Variants in GALM observed in about 807,000 individuals in gnomAD.
The protein encoded by GALM is aldose 1-epimerase.
GALM carries 43 observed loss-of-function variants against 37.4 expected under a neutral mutation model. That is an observed-to-expected ratio of 1.15 (90% CI 0.90 to 1.48). The LOEUF is 1.48. Ranked by LOEUF, GALM falls within the 40% of genes most tolerant of loss-of-function variation. The pLI is 0.00. For synonymous variants in GALM, 199 were observed against 170.6 expected (o/e 1.17, Z -1.30); for missense variants, 456 against 419.1 (o/e 1.09, Z -0.77).
chr2:38,721,382 C>T (rs1053794456), intron 4 of GALM, among the ~76,000 whole-genome samples: 63 of 152,146 alleles, frequency 4.1e-4, no homozygotes, highest in Non-Finnish European at 7.6e-4. Context: ...TAGAGTAACA[C>T]CCTCATGAAC....
intron 5 of GALM, among the ~76,000 whole-genome samples, chr2:38,730,125 C>G (rs990849260): frequency 1.8e-4 from 27 of 152,372 alleles, no homozygotes; most frequent in African/African-American, 6.3e-4. Flanking sequence ...CCGATAGACA[C>G]TTGTGTGCAC....
At chr2:38,732,059 C>T in intron 6 of GALM, 150 bp downstream of exon 6, 2 of 735,444 alleles carry the variant, frequency 2.7e-6, no homozygotes, top group South Asian at 1.8e-5. Context: ...TCACTCTTGT[C>T]GCCTAGGCTG....
chr2:38,724,690 C>T (rs1666450915), intron 4 of GALM, among the ~76,000 whole-genome samples: 1 of 151,982 alleles, frequency 6.6e-6, no homozygotes, highest in African/African-American at 2.4e-5. Flanking sequence ...AATTTTAAGT[C>T]AGGGCTTCTT....
chr2:38,707,077 T>C (rs1240314390), intron 4 of GALM, among the ~76,000 whole-genome samples: 1 of 145,838 alleles, frequency 6.9e-6, no homozygotes, highest in African/African-American at 2.5e-5. Flanking sequence ...GATGGGGATG[T>C]TCAGTGAGTT....
intron 4 of GALM, among the ~76,000 whole-genome samples, chr2:38,694,953 T>G (rs1230504323): frequency 1.3e-5 from 2 of 148,310 alleles, no homozygotes; most frequent in African/African-American, 5.0e-5. Flanking sequence ...TCACCTCAGG[T>G]GTCATTGTTC....
At chr2:38,725,569 T>C (rs976026448) in intron 4 of GALM, among the ~76,000 whole-genome samples, 2 of 148,890 alleles carry the variant, frequency 1.3e-5, no homozygotes, top group African/African-American at 5.0e-5. Context: ...CACACACGTA[T>C]ATATATAATT....
intron 4 of GALM, among the ~76,000 whole-genome samples, chr2:38,724,804 AG>A (rs1472727600): frequency 5.3e-5 from 8 of 152,224 alleles, no homozygotes; most frequent in African/African-American, 1.9e-4. Flanking sequence ...AGACTCCTGA[AG>A]GTGTTCAAGC....
At position 38,717,727 on chromosome 2, in the gene GALM, T is replaced by A. The variant is rs1572539227; in HGVS notation, c.635-11829T>A. On this transcript the variant is annotated intron_variant, in intron 4 of 6. Coordinates refer to ENST00000272252, the MANE Select transcript of GALM (RefSeq NM_138801.3). ...TAGCTCCATTTTATAAATGGGGAAATTGAATCTTACAGAGGCATAGAAATA... is the reference window on the plus strand; with the variant it reads ...TAGCTCCATTTTATAAATGGGGAAAATGAATCTTACAGAGGCATAGAAATA... 2.0e-5 allele frequency among the ~76,000 whole-genome samples: 3 copies of A among 152,062 alleles called. 1 individual carries two copies. The South Asian group carries it at 6.3e-4, about 32-fold the overall frequency.
intron 4 of GALM, among the ~76,000 whole-genome samples, chr2:38,725,448 A>AGAC (rs1572543903): frequency 6.6e-6 from 1 of 152,094 alleles, no homozygotes; most frequent in South Asian, 2.1e-4. Context: ...AGACAGGAGG[A>AGAC]TTACCTGAGC....
chr2:38,704,329 G>C (rs1245031807), intron 4 of GALM, among the ~76,000 whole-genome samples: 11 of 151,932 alleles, frequency 7.2e-5, no homozygotes, highest in Admixed American at 5.9e-4. Flanking sequence ...CTCCTGCATA[G>C]CTAGGATCAC....
At position 38,723,135 on chromosome 2, in the gene GALM, C is replaced by T. The variant is rs569261286; in HGVS notation, c.635-6421C>T. On this transcript the variant is annotated intron_variant, in intron 4 of 6. Coordinates refer to ENST00000272252, the MANE Select transcript of GALM (RefSeq NM_138801.3). The stretch of plus-strand genomic sequence containing the variant: ...AGAGGGTACAGAGATAAATAGGGCA[C>T]AATTCTTGCCCTTTAGGACCTCACT... 1.1e-3 allele frequency among the ~76,000 whole-genome samples: 165 copies of T among 152,308 alleles called. 1 individual carries two copies. Among genetic ancestry groups the T allele is most frequent in the South Asian group, 7.5e-3 (36 of 4,826 alleles).
intron 4 of GALM, among the ~76,000 whole-genome samples, chr2:38,710,389 G>C (rs1229016864): frequency 6.6e-6 from 1 of 152,140 alleles, no homozygotes; most frequent in Non-Finnish European, 1.5e-5. Flanking sequence ...TGTGCATCTT[G>C]GGTCAACATG....
chr2:38,712,144 A>T (rs1385927443), intron 4 of GALM, among the ~76,000 whole-genome samples: 1 of 152,174 alleles, frequency 6.6e-6, no homozygotes, highest in East Asian at 1.9e-4. Flanking sequence ...TTTTACCCTT[A>T]CTTTACACTA....
intron 4 of GALM, among the ~76,000 whole-genome samples, chr2:38,705,609 A>G (rs1314757876): frequency 1.3e-5 from 2 of 152,204 alleles, no homozygotes; most frequent in African/African-American, 2.4e-5. Flanking sequence ...CACAGAATGC[A>G]GGAGTGGTGA....
chr2:38,699,667 G>A (rs140063788), intron 4 of GALM, among the ~76,000 whole-genome samples: 2 of 152,156 alleles, frequency 1.3e-5, no homozygotes, highest in East Asian at 3.9e-4. Flanking sequence ...GAAAAGAGAA[G>A]AATATTTAAA....
intron 4 of GALM, among the ~76,000 whole-genome samples, chr2:38,710,269 T>G (rs542425855): frequency 2.0e-5 from 3 of 152,302 alleles, no homozygotes; most frequent in African/African-American, 7.2e-5. Flanking sequence ...AGGTCCACAC[T>G]TGGAGGAGCT....
intron 4 of GALM, among the ~76,000 whole-genome samples, chr2:38,711,162 CT>C (rs35852563): frequency 1.7e-3 from 224 of 135,542 alleles, no homozygotes; most frequent in African/African-American, 3.6e-3. Flanking sequence ...TACAGATAGC[CT>C]TTTTTTTTTT....
intron 4 of GALM, among the ~76,000 whole-genome samples, chr2:38,714,430 G>A (rs1315201302): frequency 6.6e-6 from 1 of 152,084 alleles, no homozygotes; most frequent in Admixed American, 6.6e-5. Context: ...GGTCAGGCTG[G>A]TCTTGAACTC....
chr2:38,722,028 CTT>C (rs1666385562), intron 4 of GALM, among the ~76,000 whole-genome samples: 1 of 50,862 alleles, frequency 2.0e-5, no homozygotes, highest in Non-Finnish European at 4.8e-5. Flanking sequence ...TATGCCTTCC[CTT>C]CCCCCCCCCA....
Sources: allele counts gnomAD v4.1 joint callset (sites outside exome capture counted in the v4.1 genomes callset), GRCh38; gene constraint gnomAD v4.1.1; transcripts MANE v1.5; gene names NCBI Gene and HGNC (gene_info 2026-07-23, HGNC 2026-07-21).